PKP3: variants seen among roughly 807,000 people sequenced by gnomAD.
The protein encoded by PKP3 is plakophilin 3.
Under a neutral mutation model 76.5 loss-of-function variants are expected in PKP3, and 66 were observed. The observed-to-expected ratio is 0.86, with a 90% CI of 0.71 to 1.06. The LOEUF (loss-of-function observed/expected upper bound fraction) is 1.06. PKP3 is among the 50% of genes least tolerant of loss of function. The pLI, the probability that PKP3 is intolerant of heterozygous loss-of-function variation, is 0.00. For missense variants in PKP3, 1,338 were observed against 1,141.0 expected (o/e 1.17, Z -2.49); for synonymous variants, 638 against 516.5 (o/e 1.24, Z -3.19).
At chr11:399,935 A>G in intron 5 of PKP3, 32 bp from the exon 6 acceptor site, 2 of 1,555,166 alleles carry the variant, frequency 1.3e-6, no homozygotes, top group Admixed American at 1.9e-5. Flanking sequence ...GTTGGAGGGC[A>G]GACGCTGATA....
In PKP3 at chr11:404,434, G is replaced by A; in HGVS notation, c.2359-100G>A. The A allele has an allele frequency of 6.8e-7, 1 of 1,476,474 alleles. No individual in the cohort carries two copies. The allele number at this position is 1,476,474 out of a possible 1,614,324, so 91.5% of individuals were successfully genotyped here. On this transcript the variant is annotated intron_variant, in intron 12 of 12. Transcript: ENST00000331563. This position sits in a 1 kb window ranked among gnomAD's most constrained non-coding sequence, Gnocchi z 4.2. ...GGATGGAGACCAGGGACCCAGAGAG[G>A]AAGGGTCCGGGCCACACCCAGCACA...
rs1225678815 is a variant in PKP3 at position 400,648 on chromosome 11, G to A, written c.1680G>A (p.Gly560=). The A allele has an allele frequency of 3.0e-5, 41 of 1,367,572 alleles. No homozygotes were observed. The highest frequency in any genetic ancestry group is 3.7e-5 in the Non-Finnish European group (40 of 1,067,398). 84.7% of individuals were successfully genotyped at this position (1,367,572 alleles called of 1,614,324 possible). ...LEGRGRRDLA[G]APPGEVVGCF... ...GTCGCGGCCGCAGGGACCTGGCGGG[G>A]GCGCCGCCGGGAGAGGTCGTGGGCT... Residue 560 remains glycine, a synonymous_variant, in exon 8 of 13, where the codon GGG becomes GGA. Transcript: ENST00000331563.
rs747114781 is a variant in PKP3, at chr11:403,639, C to G, written c.1945C>G (p.Leu649Val). 8 of 1,607,608 alleles carry G rather than the reference C, an allele frequency of 5.0e-6. No homozygotes were observed. Among genetic ancestry groups the G allele is most frequent in the Non-Finnish European group, 6.8e-6 (8 of 1,179,830 alleles). The change falls in exon 10 of 13, where the codon CTG (leucine) becomes GTG (valine). Residue 649 changes from leucine (L) to valine (V), a missense_variant. Leu to Val is a conservative substitution (Grantham distance 32). Transcript: ENST00000331563. ...ACAGTGGGCGGGGGTGCTGAGCCGC[C>G]TGGCCCTGGAGCAGGAGCGTATTCT... ...DRRWAGVLSR[L>V]ALEQERILNP...
At chr11:392,956 TA>T (rs1475265377), upstream of PKP3, among the ~76,000 whole-genome samples, 1 of 151,618 alleles carries the variant, frequency 6.6e-6, no homozygotes, top group African/African-American at 2.4e-5. Context: ...GGGACGGAGC[TA>T]GGGGGCAAGG....
Position 400,658 on chromosome 11 carries a change from G to C in PKP3, c.1690G>C (p.Gly564Arg). The change falls in exon 8 of 13, where the codon GGA (glycine) becomes CGA (arginine). Residue 564 changes from glycine (G) to arginine (R), a missense_variant. Gly to Arg is a moderately radical substitution (Grantham distance 125). Coordinates refer to ENST00000331563, the MANE Select transcript of PKP3 (RefSeq NM_007183.4). ...CAGGGACCTGGCGGGGGCGCCGCCG[G>C]GAGAGGTCGTGGGCTGCTTCACGCC... The part of the protein sequence containing the change: ...GRRDLAGAPP[G>R]EVVGCFTPQS... The C allele has an allele frequency of 7.4e-7, 1 of 1,358,802 alleles. No homozygotes were observed. Among genetic ancestry groups the C allele is most frequent in the Non-Finnish European group, 9.4e-7 (1 of 1,061,634 alleles). 84.2% of individuals were successfully genotyped at this position (1,358,802 alleles called of 1,614,324 possible). A position where few individuals can be genotyped will look rare whatever the true frequency, so the allele number is the denominator to read the frequency against.
rs1847225026 is a variant in PKP3, at chr11:404,594, G to A, written c.*25G>A. 1.2e-6 allele frequency: 2 copies of A among 1,609,676 alleles called. No homozygotes were observed. The highest frequency in any genetic ancestry group is 8.5e-7 in the Non-Finnish European group (1 of 1,177,396). On this transcript the variant is annotated 3_prime_UTR_variant, in exon 13 of 13. Transcript: ENST00000331563. The surrounding 1 kb of genome is among the most constrained non-coding windows in gnomAD (Gnocchi z 4.2). ...GGTGAAGCCTTCTGGAGGAGAAGGT[G>A]ACGTGGCCCAGCGTCCAAGGGACAG...
chr11:403,567 G>A (rs752234089), intron 9 of PKP3, 51 bp from the exon 10 acceptor site: 3 of 1,568,946 alleles, frequency 1.9e-6, no homozygotes, highest in Non-Finnish European at 2.6e-6. Context: ...GACCCCCTCA[G>A]GTGAGGGTCT....
In PKP3 at chr11:399,170, A is replaced by G; in HGVS notation, c.1247A>G (p.Asp416Gly). Reference protein sequence around the residue: ...FELLRTLREQDDELRKNVTGI... With the variant: ...FELLRTLREQGDELRKNVTGI... ...CTGCTGCGGACACTGCGGGAGCAGG[A>G]TGATGAGCTTCGCAAAAATGTCACA... The change falls in exon 5 of 13, where the codon GAT becomes GGT. Residue 416 changes from aspartate to glycine, a missense_variant. By Grantham distance (94) the Asp-to-Gly change is moderately conservative. Transcript: ENST00000331563. The G allele has an allele frequency of 6.2e-7, 1 of 1,604,644 alleles. No homozygotes were observed. The highest frequency in any genetic ancestry group is 8.5e-7 in the Non-Finnish European group (1 of 1,175,412).
In PKP3 at chr11:403,263, G is replaced by A. The variant is rs955199381; in HGVS notation, c.1923G>A (p.Arg641=). Residue 641 remains arginine (R), a splice_region_variant and synonymous_variant, in exon 9 of 13, where the codon AGG becomes AGA. Coordinates refer to ENST00000331563, the MANE Select transcript of PKP3 (RefSeq NM_007183.4). ...AGAACATCACGGCAGGCGACCGCAG[G>A]GTGGGGCACCCAACCCAGACCCGAG... ...ALQNITAGDR[R]WAGVLSRLAL... 1.7e-5 allele frequency: 26 copies of A among 1,572,462 alleles called. No individual in the cohort carries two copies. The highest frequency in any genetic ancestry group is 2.3e-5 in the East Asian group (1 of 43,352).
Position 399,061 on chromosome 11 carries a change from C to T in PKP3, c.1138C>T (p.His380Tyr), listed in dbSNP as rs748890756. Residue 380 changes from histidine to tyrosine, a missense_variant, in exon 5 of 13, where the codon CAT becomes TAT. Physicochemically the swap from His to Tyr is moderately conservative, Grantham distance 83. Coordinates refer to ENST00000331563, the MANE Select transcript of PKP3 (RefSeq NM_007183.4). ...CCACGCCAACCAGGAAGTGCAGCGC[C>T]ATGCCACAGGTGCCATGCGCAACCT... ...FNHANQEVQR[H>Y]ATGAMRNLIY... is the part of the protein sequence containing the mutation. 5 of 1,610,964 alleles carry T rather than the reference C, an allele frequency of 3.1e-6. No individual in the cohort carries two copies. The highest frequency in any genetic ancestry group is 3.4e-6 in the Non-Finnish European group (4 of 1,178,756).
At chr11:394,855 C>T (rs1304009258) in intron 1 of PKP3, among the ~76,000 whole-genome samples, 3 of 152,212 alleles carry the variant, frequency 2.0e-5, no homozygotes, top group Non-Finnish European at 2.9e-5. Flanking sequence ...GGAACACGCA[C>T]GCGCCTGGCC....
chr11:399,966 G>A lies in PKP3; in HGVS notation c.1274-1G>A. The A allele has an allele frequency of 6.3e-7, 1 of 1,597,108 alleles. No individual in the cohort carries two copies. Among genetic ancestry groups the A allele is most frequent in the Non-Finnish European group, 8.5e-7 (1 of 1,173,472 alleles). ...TGATAGCAGCCTCCCCCGTCCTCCA[G>A]GGATCCTGTGGAACCTTTCATCCAG... On this transcript the variant is annotated splice_acceptor_variant, in intron 5 of 12. Coordinates refer to ENST00000331563, the MANE Select transcript of PKP3 (RefSeq NM_007183.4). LOFTEE classifies it high-confidence loss of function.
Position 396,973 on chromosome 11 carries a change from C to A in PKP3, c.472C>A (p.Pro158Thr). The change falls in exon 3 of 13, where the codon CCC (proline) becomes ACC (threonine). Residue 158 changes from proline to threonine, a missense_variant. By Grantham distance (38) the Pro-to-Thr change is conservative (BLOSUM62 -1). Transcript: ENST00000331563. The part of the protein sequence containing the change: ...YGGAQPTPPM[P>T]TRPVSFHERG... ...GGGTGCCCAGCCCACCCCTCCCATG[C>A]CCACCAGGCCCGTGTCCTTCCATGA... The A allele has an allele frequency of 6.3e-7, 1 of 1,598,234 alleles. No individual in the cohort carries two copies. Among genetic ancestry groups the A allele is most frequent in the Non-Finnish European group, 8.5e-7 (1 of 1,178,122 alleles).
rs568493753 is a variant in PKP3, at chr11:404,551, G to C, written c.2376G>C (p.Glu792Asp). ...CACTGTAGAAGGGCTATCGGAAGGA[G>C]GACTTCCTGGGCCCATAGGTGAAGC... ...RDFRAKGYRK[E>D]DFLGP Residue 792 changes from glutamate to aspartate, a missense_variant, in exon 13 of 13, where the codon GAG (glutamate) becomes GAC (aspartate). Coordinates refer to ENST00000331563, the MANE Select transcript of PKP3 (RefSeq NM_007183.4). The surrounding 1 kb of genome is among the most constrained non-coding windows in gnomAD (Gnocchi z 4.2). The C allele has an allele frequency of 2.5e-6, 4 of 1,612,644 alleles. No individual in the cohort carries two copies. The highest frequency in any genetic ancestry group is 2.7e-5 in the African/African-American group (2 of 75,056).
At position 403,824 on chromosome 11, in the gene PKP3, G is replaced by C. The variant is rs1590361669; in HGVS notation, c.2077+53G>C. On this transcript the variant is annotated intron_variant, in intron 10 of 12. Coordinates refer to ENST00000331563, the MANE Select transcript of PKP3 (RefSeq NM_007183.4). ...CCTGCTGGACCCACATGTCAATTTT[G>C]TCTTTAAGTGTGGGCTTCAGACCAC... The C allele has an allele frequency of 3.8e-6, 6 of 1,597,044 alleles. No individual in the cohort carries two copies. The East Asian group carries it at 1.3e-4, about 36-fold the overall frequency.
rs750895138 is a variant in PKP3 at position 399,099 on chromosome 11, C to T, written c.1176C>T (p.Asn392=). The T allele has an allele frequency of 4.7e-5, 75 of 1,611,952 alleles. No homozygotes were observed. The highest frequency in any genetic ancestry group is 2.0e-4 in the Admixed American group (12 of 59,960). ...TGAMRNLIYD[N]ADNKLALVEE... The stretch of plus-strand genomic sequence containing the variant: ...CCATGCGCAACCTCATCTACGACAA[C>T]GCTGACAACAAGCTGGCCCTGGTGG... The change falls in exon 5 of 13, where the codon AAC becomes AAT. Residue 392 remains asparagine (N), a synonymous_variant. Transcript: ENST00000331563.
At chr11:393,076 C>G (rs1846996192), upstream of PKP3, among the ~76,000 whole-genome samples, 1 of 151,486 alleles carries the variant, frequency 6.6e-6, no homozygotes, top group Non-Finnish European at 1.5e-5. Flanking sequence ...ATGTTCAGCT[C>G]CCACCCCCAG....
At chr11:393,951 G>A (rs776744444), upstream of PKP3, among the ~76,000 whole-genome samples, 16 of 152,354 alleles carry the variant, frequency 1.1e-4, no homozygotes, top group Middle Eastern at 3.4e-3. Flanking sequence ...CAAAGGGCCC[G>A]GTCTGGCCTT....
In PKP3 at chr11:399,028, C is replaced by G. The variant is rs752870690; in HGVS notation, c.1105C>G (p.Leu369Val). Reference protein sequence around the residue: ...SLQAVPRLVKLFNHANQEVQR... With the variant: ...SLQAVPRLVKVFNHANQEVQR... ...TCAGGCCGTGCCTAGGCTGGTGAAG[C>G]TCTTCAACCACGCCAACCAGGAAGT... Residue 369 changes from leucine to valine, a missense_variant, in exon 5 of 13, where the codon CTC (leucine) becomes GTC (valine). By Grantham distance (32) the Leu-to-Val change is conservative (BLOSUM62 1). Coordinates refer to ENST00000331563, the MANE Select transcript of PKP3 (RefSeq NM_007183.4). The G allele has an allele frequency of 6.2e-6, 10 of 1,602,870 alleles. No individual in the cohort carries two copies. In the African/African-American group the frequency reaches 1.1e-4, roughly 17 times the overall value.
Sources: allele counts gnomAD v4.1 joint callset (sites outside exome capture counted in the v4.1 genomes callset), GRCh38; gene constraint gnomAD v4.1.1; non-coding constraint Gnocchi (gnomAD v3.1); transcripts MANE v1.5; gene names NCBI Gene and HGNC (gene_info 2026-07-23, HGNC 2026-07-21).